The following DMD variants were observed in gnomAD, a reference collection of about 807,000 sequenced individuals.
The protein encoded by DMD is mutant dystrophin.
In DMD, 63 loss-of-function variants were observed where a neutral mutation model predicts 330.1. The ratio of observed to expected loss-of-function variants is 0.19; its 90% CI spans 0.16 to 0.24. DMD has a LOEUF of 0.24. Ranked by LOEUF, DMD falls within the 10% of genes least tolerant of loss-of-function variation. DMD has a pLI of 1.00. For synonymous variants in DMD, 1,223 were observed against 959.8 expected (o/e 1.27, Z -5.07); for missense variants, 3,344 against 2,684.1 (o/e 1.25, Z -5.43).
At chrX:31,373,278 C>A (rs1346853460) in intron 60 of DMD, among the ~76,000 whole-genome samples, 4 of 106,766 alleles carry the variant, frequency 3.7e-5, no homozygotes, top group Admixed American at 1.0e-4. Flanking sequence ...CCATCCCCAT[C>A]AAGCTACCAA....
At chrX:31,716,317 C>T (rs2085044157) in intron 52 of DMD, among the ~76,000 whole-genome samples, 1 of 112,119 alleles carries the variant, frequency 8.9e-6, no homozygotes, top group South Asian at 3.7e-4. Flanking sequence ...TTTGGGAGGC[C>T]GAGGCGGGTG....
rs745483633 is a variant in DMD, at chrX:32,756,441, C to T, written c.649+53052G>A. Reference sequence around the variant, plus strand: ...ATGGTTTTTGATGACAATAAAATCGCTAAAAACCAAAAGCATTCAGAGAGT... The same window carrying T: ...ATGGTTTTTGATGACAATAAAATCGTTAAAAACCAAAAGCATTCAGAGAGT... On this transcript the variant is annotated intron_variant, in intron 7 of 78. Coordinates refer to ENST00000357033, the MANE Select transcript of DMD (RefSeq NM_004006.3). 3.7e-4 allele frequency: 41 copies of T among 111,516 alleles called. 1 individual carries two copies. Among genetic ancestry groups the T allele is most frequent in the African/African-American group, 1.2e-3 (36 of 30,733 alleles). 9.2% of individuals were successfully genotyped at this position (111,516 alleles called of 1,213,427 possible). A position where few individuals can be genotyped will look rare whatever the true frequency, so the allele number is the denominator to read the frequency against.
At chrX:32,512,100 C>T (rs549581422) in intron 18 of DMD, among the ~76,000 whole-genome samples, 1 of 111,503 alleles carries the variant, frequency 9.0e-6, no homozygotes, top group African/African-American at 3.3e-5. Context: ...ATATAATATT[C>T]AATAAAAGGA....
chrX:31,373,053 T>G (rs2059680362), intron 60 of DMD, among the ~76,000 whole-genome samples: 1 of 109,565 alleles, frequency 9.1e-6, no homozygotes, highest in Admixed American at 9.7e-5. Flanking sequence ...AAATCATGAG[T>G]GAACTCCCAT....
At chrX:33,319,535 T>C (rs1007527419) in intron 1 of DMD, among the ~76,000 whole-genome samples, 1 of 111,829 alleles carries the variant, frequency 8.9e-6, no homozygotes, top group East Asian at 2.8e-4. Context: ...TGAACTCCTA[T>C]GAGATTCACT....
intron 44 of DMD, among the ~76,000 whole-genome samples, chrX:32,190,585 T>TATA (rs1569549819): frequency 2.1e-5 from 2 of 94,304 alleles, no homozygotes; most frequent in African/African-American, 7.6e-5. Flanking sequence ...TATATATATA[T>TATA]TTCACCACAA....
chrX:32,428,839 T>C (rs1289895680), intron 29 of DMD, among the ~76,000 whole-genome samples: 1 of 111,627 alleles, frequency 9.0e-6, no homozygotes, highest in Non-Finnish European at 1.9e-5. Flanking sequence ...CTCGAACTCC[T>C]GACCTCAGGT....
chrX:32,552,365 G>T (rs997749525), intron 16 of DMD, among the ~76,000 whole-genome samples: 2 of 111,273 alleles, frequency 1.8e-5, no homozygotes, highest in African/African-American at 3.3e-5. Context: ...AACAAGCAAT[G>T]GGAAAAGGAC....
intron 30 of DMD, among the ~76,000 whole-genome samples, chrX:32,391,962 C>T (rs982171163): frequency 1.8e-5 from 2 of 111,898 alleles, no homozygotes; most frequent in Non-Finnish European, 3.8e-5. Flanking sequence ...GTAATTCTGG[C>T]CAACTCCATG....
intron 9 of DMD, among the ~76,000 whole-genome samples, chrX:32,665,788 C>G (rs58431541): frequency 0.032 from 3,537 of 112,111 alleles, 132 homozygotes; most frequent in African/African-American, 0.11. Flanking sequence ...CCTTATGGCG[C>G]CATGTCTAAT....
chrX:32,003,825 T>C (rs1387328175), intron 44 of DMD, among the ~76,000 whole-genome samples: 1 of 111,296 alleles, frequency 9.0e-6, no homozygotes, highest in African/African-American at 3.3e-5. Context: ...TGTTTTGCTA[T>C]ATGTGTATAA....
intron 39 of DMD, among the ~76,000 whole-genome samples, chrX:32,345,202 T>A (rs1356936220): frequency 1.8e-5 from 2 of 111,438 alleles, no homozygotes; most frequent in Non-Finnish European, 1.9e-5. Context: ...CAAATAGTGA[T>A]TATTGCAAAG....
chrX:32,924,690 AGAGT>A (rs2088800982), intron 2 of DMD, among the ~76,000 whole-genome samples: 1 of 111,737 alleles, frequency 8.9e-6, no homozygotes, highest in African/African-American at 3.3e-5. Context: ...CTCCTCTGAA[AGAGT>A]GAGAAAATAT....
At chrX:32,362,669 G>T in intron 37 of DMD, 119 bp downstream of exon 37, 1 of 784,836 alleles carries the variant, frequency 1.3e-6, no homozygotes, top group Non-Finnish European at 1.9e-6. Context: ...ATACATTTTG[G>T]CATTCATTTT....
chrX:31,440,887 C>G (rs1184593403), intron 60 of DMD, among the ~76,000 whole-genome samples: 1 of 112,476 alleles, frequency 8.9e-6, no homozygotes, highest in Non-Finnish European at 1.9e-5. Flanking sequence ...TTGGAATTCT[C>G]TATACATTAT....
chrX:32,745,518 G>T (rs2069871617), intron 7 of DMD, among the ~76,000 whole-genome samples: 2 of 112,211 alleles, frequency 1.8e-5, no homozygotes, highest in African/African-American at 6.5e-5. Context: ...TGACAGTTAA[G>T]TTCCTATGGT....
intron 4 of DMD, among the ~76,000 whole-genome samples, chrX:32,828,547 GTA>G (rs1035127043): frequency 1.9e-5 from 2 of 106,172 alleles, no homozygotes; most frequent in Non-Finnish European, 3.9e-5. Context: ...ATCTATACAA[GTA>G]TATGTGTATC....
chrX:31,261,568 C>G (rs929122451), intron 62 of DMD: 1 of 122,237 alleles, frequency 8.2e-6, no homozygotes, highest in South Asian at 2.8e-4. Context: ...TACTGCCTGA[C>G]TAATATATCA....
intron 17 of DMD, among the ~76,000 whole-genome samples, chrX:32,539,076 A>G (rs1343218745): frequency 9.0e-6 from 1 of 111,216 alleles, no homozygotes; most frequent in African/African-American, 3.3e-5. Flanking sequence ...ACTGCTATTG[A>G]TTTATTCTTG....
Sources: gnomAD v4.1 joint callset for allele counts (sites outside exome capture counted in the v4.1 genomes callset) on GRCh38, gnomAD v4.1.1 for gene constraint, MANE v1.5 for transcripts, NCBI Gene and HGNC (gene_info 2026-07-23, HGNC 2026-07-21) for gene names.